Variants in SIAE observed in about 807,000 individuals in gnomAD.
The protein encoded by SIAE is sialic acid acetylesterase.
Under a neutral mutation model 52.6 loss-of-function variants are expected in SIAE, and 39 were observed. The observed-to-expected ratio is 0.74, with a 90% CI of 0.57 to 0.97. The LOEUF (loss-of-function observed/expected upper bound fraction) is 0.97, where lower values mean the gene tolerates loss of function less well. SIAE is among the 50% of genes least tolerant of loss of function. The probability of loss-of-function intolerance (pLI) is 0.00; values close to 1 mark genes in which losing one functional copy is unlikely to be tolerated. For missense variants in SIAE, 592 were observed against 662.1 expected (o/e 0.89, Z 1.16); for synonymous variants, 233 against 241.4 (o/e 0.97, Z 0.32).
At chr11:124,655,189 T>TTTTG (rs1324577651) in intron 3 of SIAE, among the ~76,000 whole-genome samples, 2,890 of 150,316 alleles carry the variant, frequency 0.019, 103 homozygotes, top group African/African-American at 0.067. Flanking sequence ...TTTTTTTTTT[T>TTTTG]TGTGTGTGAG....
chr11:124,652,459 A>G (rs1943030677), intron 4 of SIAE, among the ~76,000 whole-genome samples: 1 of 152,056 alleles, frequency 6.6e-6, no homozygotes, highest in Non-Finnish European at 1.5e-5. Flanking sequence ...AGTGTGAGGC[A>G]GGCAGATCAT....
chr11:124,656,198 T>C (rs1419055610), intron 3 of SIAE, among the ~76,000 whole-genome samples: 1 of 152,240 alleles, frequency 6.6e-6, no homozygotes, highest in Non-Finnish European at 1.5e-5. Flanking sequence ...AGAAAAAGGA[T>C]ACTCAACCCG....
At chr11:124,659,922 T>C (rs1050479761) in intron 3 of SIAE, 1 of 152,256 alleles carries the variant, frequency 6.6e-6, no homozygotes, top group Non-Finnish European at 1.5e-5. Context: ...CAAAAAGAGA[T>C]GAATTGAGTT....
intron 7 of SIAE, among the ~76,000 whole-genome samples, chr11:124,644,337 A>G (rs1201888156): frequency 1.4e-5 from 2 of 144,044 alleles, no homozygotes; most frequent in African/African-American, 5.5e-5. Context: ...ACGCCACAGG[A>G]AAGAGTCTGT....
chr11:124,646,300 A>AC (rs1252239674), intron 7 of SIAE, among the ~76,000 whole-genome samples: 1 of 152,232 alleles, frequency 6.6e-6, no homozygotes, highest in African/African-American at 2.4e-5. Context: ...AACGAGTGCC[A>AC]ATCAACTACA....
At position 124,660,619 on chromosome 11, in the gene SIAE, G is replaced by C. The variant is rs556493567; in HGVS notation, c.405+9C>G. The C allele has an allele frequency of 1.2e-6, 2 of 1,613,782 alleles. No individual in the cohort carries two copies. Among genetic ancestry groups the C allele is most frequent in the African/African-American group, 2.7e-5 (2 of 74,992 alleles). The stretch of plus-strand genomic sequence containing the variant: ...CACTGTGTATTATTGCTGAGACTCT[G>C]CAAATTACCTGTAACACAGTCATCT... On this transcript the variant is annotated intron_variant, in intron 3 of 9. Transcript: ENST00000263593.
At chr11:124,640,776 A>G (rs1942831775) in intron 7 of SIAE, among the ~76,000 whole-genome samples, 3 of 152,228 alleles carry the variant, frequency 2.0e-5, no homozygotes, top group African/African-American at 2.4e-5. Flanking sequence ...AATCAACAGA[A>G]GCAGAAAGTA....
intron 7 of SIAE, among the ~76,000 whole-genome samples, chr11:124,646,292 C>T (rs190524771): frequency 2.6e-5 from 4 of 152,250 alleles, no homozygotes; most frequent in Admixed American, 6.5e-5. Context: ...CACTATTTAA[C>T]GAGTGCCAAT....
intron 4 of SIAE, 81 bp from the exon 5 acceptor site, chr11:124,649,877 G>A (rs1157808933): frequency 7.4e-7 from 1 of 1,360,492 alleles, no homozygotes; most frequent in African/African-American, 1.4e-5. Flanking sequence ...GGGTCGAGGT[G>A]AGAAGGGTGG....
intron 5 of SIAE, among the ~76,000 whole-genome samples, chr11:124,649,331 TTA>T (rs1942983866): frequency 6.6e-6 from 1 of 150,630 alleles, no homozygotes; most frequent in African/African-American, 2.4e-5. Flanking sequence ...TATTCATAAT[TTA>T]TATATATAAA....
rs374527147 is a variant in SIAE, at chr11:124,673,722, T to C, written c.-14A>G. On this transcript the variant is annotated 5_prime_UTR_variant, in exon 1 of 10. Transcript: ENST00000263593. ...CGGCGCGACCATGCTTGCAAGGATC[T>C]GACCGCCGCCTAGGACTGGGAAAGT... 7 of 1,612,950 alleles carry C rather than the reference T, an allele frequency of 4.3e-6. No individual in the cohort carries two copies. The African/African-American group carries it at 6.7e-5, about 15-fold the overall frequency.
chr11:124,648,048 A>T lies in SIAE; in HGVS notation c.832+18T>A, dbSNP rs778800940. On this transcript the variant is annotated intron_variant, in intron 6 of 9. Transcript: ENST00000263593. ...ACGCTATCTGATACAATGGAGAAAG[A>T]GTACACTGAACACTTACCCTGGTAC... 1.9e-6 allele frequency: 3 copies of T among 1,568,408 alleles called. No homozygotes were observed. Among genetic ancestry groups the T allele is most frequent in the Non-Finnish European group, 2.6e-6 (3 of 1,138,452 alleles).
intron 7 of SIAE, among the ~76,000 whole-genome samples, chr11:124,643,406 A>C (rs942206255): frequency 6.6e-6 from 1 of 152,206 alleles, no homozygotes; most frequent in Non-Finnish European, 1.5e-5. Context: ...AGTCACTTTG[A>C]TATATTGAGA....
intron 7 of SIAE, among the ~76,000 whole-genome samples, chr11:124,644,412 GTCCC>G (rs1942899909): frequency 1.3e-5 from 2 of 148,484 alleles, no homozygotes; most frequent in Admixed American, 1.3e-4. Flanking sequence ...GCTAATAACA[GTCCC>G]TCAAGTCAAG....
intron 3 of SIAE, among the ~76,000 whole-genome samples, chr11:124,658,079 G>A (rs758032008): frequency 3.3e-4 from 50 of 152,158 alleles, no homozygotes; most frequent in Non-Finnish European, 5.7e-4. Flanking sequence ...TCTAGGGACT[G>A]GACCGTTCAC....
chr11:124,659,750 G>C (rs11219746), intron 3 of SIAE: 3 of 148,544 alleles, frequency 2.0e-5, no homozygotes, highest in African/African-American at 7.4e-5. Flanking sequence ...TTCTAAATCA[G>C]AAAACTAATG....
intron 2 of SIAE, among the ~76,000 whole-genome samples, chr11:124,666,460 C>G (rs193178633): frequency 6.6e-6 from 1 of 152,182 alleles, no homozygotes; most frequent in African/African-American, 2.4e-5. Context: ...AAGCAAGATA[C>G]CCATTGAAGC....
chr11:124,637,316 G>GACCT, intron 9 of SIAE, 114 bp from the exon 10 acceptor site: 1 of 1,452,252 alleles, frequency 6.9e-7, no homozygotes, highest in Non-Finnish European at 9.6e-7. Context: ...CTTCACCAAG[G>GACCT]ACCTACTCCT....
rs912179304 is a variant in SIAE at position 124,653,743 on chromosome 11, T to C, written c.544+912A>G. Reference sequence around the variant, plus strand: ...AAGATGAAGCATCTGTGAAGGGTGTTTGCGATGTTTACTGTTGTTTTGTTT... The same window carrying C: ...AAGATGAAGCATCTGTGAAGGGTGTCTGCGATGTTTACTGTTGTTTTGTTT... On this transcript the variant is annotated intron_variant, in intron 4 of 9. Coordinates refer to ENST00000263593, the MANE Select transcript of SIAE (RefSeq NM_170601.5). Among the ~76,000 whole-genome samples, 42 of 152,196 alleles carry C rather than the reference T, an allele frequency of 2.8e-4. 1 individual carries two copies. Among genetic ancestry groups the C allele is most frequent in the African/African-American group, 1.0e-3 (42 of 41,454 alleles).
Sources: allele counts gnomAD v4.1 joint callset (sites outside exome capture counted in the v4.1 genomes callset), GRCh38; gene constraint gnomAD v4.1.1; transcripts MANE v1.5; gene names NCBI Gene and HGNC (gene_info 2026-07-23, HGNC 2026-07-21).